CYP2C8: variants seen among roughly 807,000 people sequenced by gnomAD.
CYP2C8 encodes cytochrome P450 2C8.
A neutral mutation model predicts 41.3 loss-of-function variants in CYP2C8; 51 were observed. The ratio of observed to expected loss-of-function variants is 1.24; its 90% confidence interval spans 0.99 to 1.56. The LOEUF (loss-of-function observed/expected upper bound fraction) is 1.56. CYP2C8 is among the 40% of genes most tolerant of loss of function. The pLI is 0.00. For synonymous variants in CYP2C8, 218 were observed against 205.8 expected, an observed-to-expected ratio of 1.06 and a Z score of -0.51; for missense variants, 651 against 579.9, an observed-to-expected ratio of 1.12 and a Z score of -1.26.
chr10:95,054,616 A>C lies in CYP2C8; in HGVS notation c.819+3719T>G, dbSNP rs542078887. ...TTTAGGTAAGAAAGGAAGACGTAAA[A>C]CTATTTCTATTTTAAGATAACACAA... On this transcript the variant is annotated intron_variant, in intron 5 of 8. Coordinates refer to ENST00000371270, the MANE Select transcript of CYP2C8 (RefSeq NM_000770.3). Among the ~76,000 whole-genome samples, 9 of 152,238 alleles carry C rather than the reference A, an allele frequency of 5.9e-5. No homozygotes were observed. The East Asian group carries it at 1.7e-3, about 29-fold the overall frequency.
intron 5 of CYP2C8, among the ~76,000 whole-genome samples, chr10:95,049,628 A>ACTATAGGG (rs1041994816): frequency 3.9e-5 from 6 of 152,092 alleles, no homozygotes; most frequent in Admixed American, 2.6e-4. Flanking sequence ...ATCACTGTGG[A>ACTATAGGG]CTATAGGGCT....
Position 95,069,385 on chromosome 10 carries a change from G to A in CYP2C8, c.18C>T (p.Val6=). The change falls in exon 1 of 9, where the codon GTC becomes GTT. Residue 6 remains valine (V), a synonymous_variant. Transcript: ENST00000371270. The part of the protein sequence containing the change: MEPFV[V]LVLCLSFMLL... ...GCATAAAAGAGAGACACAGCACCAG[G>A]ACCACAAAAGGTTCCATTGAAGCCT... 4 of 1,614,088 alleles carry A rather than the reference G, an allele frequency of 2.5e-6. No homozygotes were observed. The East Asian group carries it at 8.9e-5, about 36-fold the overall frequency.
chr10:95,042,276 A>G (rs1261537550), intron 7 of CYP2C8, among the ~76,000 whole-genome samples: 1 of 152,200 alleles, frequency 6.6e-6, no homozygotes, highest in Non-Finnish European at 1.5e-5. Flanking sequence ...AATAATATAC[A>G]TAGAAATTCC....
intron 4 of CYP2C8, among the ~76,000 whole-genome samples, chr10:95,061,947 GT>G: frequency 6.6e-6 from 1 of 152,184 alleles, no homozygotes; most frequent in Non-Finnish European, 1.5e-5. Flanking sequence ...TAGTTGAGTG[GT>G]TTTGAGTGAG....
intron 1 of CYP2C8, 54 bp from the exon 2 acceptor site, chr10:95,067,745 C>T (rs1457330771): frequency 6.6e-7 from 1 of 1,525,652 alleles, no homozygotes; most frequent in Non-Finnish European, 9.1e-7. Context: ...GCTCCAAATA[C>T]TATGTATGAT....
At chr10:95,068,813 C>T (rs985008085) in intron 1 of CYP2C8, among the ~76,000 whole-genome samples, 23 of 152,308 alleles carry the variant, frequency 1.5e-4, no homozygotes, top group African/African-American at 5.3e-4. Flanking sequence ...GTAATCCCAG[C>T]ACTTTGGGAG....
intron 4 of CYP2C8, among the ~76,000 whole-genome samples, chr10:95,061,709 C>G (rs778870185): frequency 9.2e-5 from 14 of 152,182 alleles, no homozygotes; most frequent in Non-Finnish European, 1.5e-4. Flanking sequence ...TCTTGCTTCT[C>G]TAGTTCTTTC....
At chr10:95,058,099 T>C (rs1482998166) in intron 5 of CYP2C8, among the ~76,000 whole-genome samples, 3 of 152,214 alleles carry the variant, frequency 2.0e-5, no homozygotes, top group Non-Finnish European at 4.4e-5. Context: ...GTCTATATTA[T>C]TCTACTCATG....
intron 4 of CYP2C8, 32 bp downstream of exon 4, chr10:95,064,768 G>C (rs752640490): frequency 3.1e-6 from 5 of 1,602,886 alleles, no homozygotes; most frequent in African/African-American, 1.3e-5. Context: ...TTGAATAAAT[G>C]GTTTCCAAGG....
At chr10:95,049,952 G>A (rs11572129) in intron 5 of CYP2C8, among the ~76,000 whole-genome samples, 8,305 of 151,872 alleles carry the variant, frequency 0.055, 344 homozygotes, top group Middle Eastern at 0.16. Context: ...CTTCAGGTAA[G>A]ACTCAACACA....
rs2033597547 is a variant in CYP2C8, at chr10:95,067,534, C to G, written c.326G>C (p.Gly109Ala). Residue 109 changes from glycine (G) to alanine (A), a missense_variant, in exon 2 of 9, where the codon GGA becomes GCA. Coordinates refer to ENST00000371270, the MANE Select transcript of CYP2C8 (RefSeq NM_000770.3). ...NSPISQRITKGLGIISSNGKR... is the reference protein window; with the variant it reads ...NSPISQRITKALGIISSNGKR... ...ACAGAAATATGTGCACCTACCAAGT[C>G]CTTTAGTAATTCTTTGAGATATTGG... 6.2e-7 allele frequency: 1 copy of G among 1,614,086 alleles called. No individual in the cohort carries two copies. Among genetic ancestry groups the G allele is most frequent in the Middle Eastern group, 1.7e-4 (1 of 6,060 alleles).
intron 5 of CYP2C8, among the ~76,000 whole-genome samples, chr10:95,048,532 A>G (rs553588772): frequency 6.6e-6 from 1 of 152,294 alleles, no homozygotes; most frequent in South Asian, 2.1e-4. Flanking sequence ...CTGTACTAGC[A>G]ATGTATTGGG....
At chr10:95,040,687 C>A (rs2032976392) in intron 7 of CYP2C8, among the ~76,000 whole-genome samples, 1 of 152,134 alleles carries the variant, frequency 6.6e-6, no homozygotes, top group Non-Finnish European at 1.5e-5. Context: ...ATGTCATATT[C>A]AATTCTGAAT....
Position 95,055,175 on chromosome 10 carries a change from C to A in CYP2C8, c.819+3160G>T, listed in dbSNP as rs189738784. ...TTTATATGCAACTACAGGGAGAGGA[C>A]TCAATTTCCAAATTTCCAGACTTCA... On this transcript the variant is annotated intron_variant, in intron 5 of 8. Transcript: ENST00000371270. Among the ~76,000 whole-genome samples, 65 of 152,104 alleles carry A rather than the reference C, an allele frequency of 4.3e-4. 1 individual carries two copies. The highest frequency in any genetic ancestry group is 1.4e-3 in the African/African-American group (59 of 41,514).
rs11572130 is a variant in CYP2C8, at chr10:95,049,947, G to A, written c.820-3996C>T. Among the ~76,000 whole-genome samples the A allele has an allele frequency of 3.7e-5, 5 of 136,776 alleles. No homozygotes were observed. In the South Asian group the frequency reaches 8.7e-4, roughly 24 times the overall value. 89.7% of individuals were successfully genotyped at this position (136,776 alleles called of 152,430 possible). On this transcript the variant is annotated intron_variant, in intron 5 of 8. Transcript: ENST00000371270. ...AAGTCTCTGAGGCTTACCGGCTTCAGGTAAGACTCAACACATTCCCAGCTA... is the reference window on the plus strand; with the variant it reads ...AAGTCTCTGAGGCTTACCGGCTTCAAGTAAGACTCAACACATTCCCAGCTA...
chr10:95,048,553 C>G lies in CYP2C8; in HGVS notation c.820-2602G>C, dbSNP rs144533618. ...TAGCAATGTATTGGGTTTGTGAACA[C>G]ACTCAAGACCTTCCGATTAGCTGGG... On this transcript the variant is annotated intron_variant, in intron 5 of 8. Transcript: ENST00000371270. Among the ~76,000 whole-genome samples the G allele has an allele frequency of 1.3e-3, 205 of 152,296 alleles. 1 individual carries two copies. The highest frequency in any genetic ancestry group is 4.8e-3 in the African/African-American group (200 of 41,560).
At chr10:95,050,948 C>A (rs1191540882) in intron 5 of CYP2C8, among the ~76,000 whole-genome samples, 1 of 151,970 alleles carries the variant, frequency 6.6e-6, no homozygotes, top group African/African-American at 2.4e-5. Flanking sequence ...TGAATATCTA[C>A]AAGTATAAAG....
chr10:95,048,149 TTTC>T (rs2033144553), intron 5 of CYP2C8, among the ~76,000 whole-genome samples: 1 of 152,234 alleles, frequency 6.6e-6, no homozygotes. Flanking sequence ...TTGTAGATTC[TTTC>T]TTCTTATGAA....
intron 4 of CYP2C8, 146 bp from the exon 5 acceptor site, chr10:95,058,657 A>G: frequency 1.3e-6 from 1 of 741,912 alleles, no homozygotes; most frequent in Non-Finnish European, 2.2e-6. Context: ...TACATTTTTT[A>G]TTACACTTTA....
Sources: gnomAD v4.1 joint callset for allele counts (sites outside exome capture counted in the v4.1 genomes callset) on GRCh38, gnomAD v4.1.1 for gene constraint, MANE v1.5 for transcripts, NCBI Gene and HGNC (gene_info 2026-07-23, HGNC 2026-07-21) for gene names.